PDE3B: variants seen among roughly 807,000 people sequenced by gnomAD.
The protein encoded by PDE3B is cGMP-inhibited 3',5'-cyclic phosphodiesterase 3B.
In PDE3B, 66 loss-of-function variants were observed where a neutral mutation model predicts 116.8. That is an observed-to-expected ratio of 0.56 (90% confidence interval 0.46 to 0.69). The LOEUF is 0.69. Ranked by LOEUF, PDE3B falls within the 30% of genes least tolerant of loss-of-function variation. PDE3B has a pLI of 0.00. For synonymous variants in PDE3B, 595 were observed against 533.6 expected (o/e 1.12, Z -1.59); for missense variants, 1,384 against 1,368.1 (o/e 1.01, Z -0.18).
At chr11:14,765,983 A>G (rs1857483885) in intron 1 of PDE3B, among the ~76,000 whole-genome samples, 1 of 151,514 alleles carries the variant, frequency 6.6e-6, no homozygotes, top group Non-Finnish European at 1.5e-5. Context: ...ACATTTTATT[A>G]TATAGGAGGA....
intron 5 of PDE3B, among the ~76,000 whole-genome samples, chr11:14,817,879 A>G (rs994736668): frequency 6.6e-6 from 1 of 152,248 alleles, no homozygotes; most frequent in African/African-American, 2.4e-5. Context: ...AATAGGAATT[A>G]GGAAAATTTC....
chr11:14,806,636 G>T (rs1322355398), intron 5 of PDE3B, among the ~76,000 whole-genome samples: 2 of 151,632 alleles, frequency 1.3e-5, no homozygotes, highest in Non-Finnish European at 2.9e-5. Context: ...GAGGCGGGCG[G>T]ATCACGAGGT....
chr11:14,879,653 C>CA, the PDE3B span, among the ~76,000 whole-genome samples: 2 of 150,916 alleles, frequency 1.3e-5, no homozygotes, highest in Non-Finnish European at 2.9e-5. Context: ...TAACCTATAA[C>CA]AAGCCAATAG....
intron 14 of PDE3B, among the ~76,000 whole-genome samples, chr11:14,865,950 A>G (rs892110416): frequency 2.0e-5 from 3 of 152,124 alleles, no homozygotes; most frequent in African/African-American, 7.2e-5. Context: ...TAGAATTAAT[A>G]CTTATTAAGC....
In PDE3B at chr11:14,644,608, A is replaced by T. The variant is rs2133736542; in HGVS notation, c.533A>T (p.Asp178Val). 6.5e-7 allele frequency: 1 copy of T among 1,542,502 alleles called. No individual in the cohort carries two copies. The highest frequency in any genetic ancestry group is 1.2e-5 in the South Asian group (1 of 82,346). Reference sequence around the variant, plus strand: ...CAGTGGTGGTCTTGGCCTTGGGGGGATGGCGACGCAGGGTCCGCGGCCCCG... The same window carrying T: ...CAGTGGTGGTCTTGGCCTTGGGGGGTTGGCGACGCAGGGTCCGCGGCCCCG... ...VWQWWSWPWG[D>V]GDAGSAAPHT... The change falls in exon 1 of 16, where the codon GAT becomes GTT. Residue 178 changes from aspartate (D) to valine (V), a missense_variant. Around this residue, in one of 2 missense-constraint regions of PDE3B, gnomAD observed 956 missense variants for 806.8 expected, o/e 1.18. Transcript: ENST00000282096.
At chr11:14,848,851 A>C (rs537661690) in intron 12 of PDE3B, among the ~76,000 whole-genome samples, 1 of 152,366 alleles carries the variant, frequency 6.6e-6, no homozygotes, top group African/African-American at 2.4e-5. Context: ...GATACAAACA[A>C]ATGGAAGAAC....
rs1853284289 is a variant in PDE3B at position 14,644,131 on chromosome 11, G to C, written c.56G>C (p.Gly19Ala). 2 of 1,586,646 alleles carry C rather than the reference G, an allele frequency of 1.3e-6. No homozygotes were observed. The highest frequency in any genetic ancestry group is 1.4e-5 in the African/African-American group (1 of 73,686). The change falls in exon 1 of 16, where the codon GGG (glycine) becomes GCG (alanine). Residue 19 changes from glycine (G) to alanine (A), a missense_variant. By Grantham distance (60) the Gly-to-Ala change is moderately conservative. Around this residue, in one of 2 missense-constraint regions of PDE3B, gnomAD observed 956 missense variants for 806.8 expected, o/e 1.18. Transcript: ENST00000282096. ...KAMRSLQPPD[G>A]AGSPPESLRN... ...ATGCGGTCCCTGCAGCCGCCGGATG[G>C]GGCCGGCTCGCCCCCCGAGAGTCTG...
At chr11:14,664,702 C>T (rs1476672425) in intron 1 of PDE3B, among the ~76,000 whole-genome samples, 1 of 152,106 alleles carries the variant, frequency 6.6e-6, no homozygotes, top group Non-Finnish European at 1.5e-5. Context: ...ATACACCCTC[C>T]CAAGACTAAA....
chr11:14,671,364 T>A (rs1854361531), intron 1 of PDE3B, among the ~76,000 whole-genome samples: 1 of 152,062 alleles, frequency 6.6e-6, no homozygotes, highest in African/African-American at 2.4e-5. Flanking sequence ...AAGCACACTC[T>A]AGGCAGAAGA....
chr11:14,840,266 CA>C (rs1860181652), intron 11 of PDE3B, among the ~76,000 whole-genome samples: 3 of 152,182 alleles, frequency 2.0e-5, no homozygotes, highest in African/African-American at 7.2e-5. Flanking sequence ...CAGCTTTCCT[CA>C]AATAATTATT....
chr11:14,769,775 G>A (rs1307407600), intron 1 of PDE3B, among the ~76,000 whole-genome samples: 1 of 147,508 alleles, frequency 6.8e-6, no homozygotes, highest in Non-Finnish European at 1.5e-5. Flanking sequence ...GGAGGGCTAC[G>A]AACCATTTTA....
At chr11:14,691,319 A>G (rs1191608028) in intron 1 of PDE3B, among the ~76,000 whole-genome samples, 2 of 152,182 alleles carry the variant, frequency 1.3e-5, no homozygotes, top group African/African-American at 4.8e-5. Flanking sequence ...ATGTTTCATG[A>G]CATAGTTGGA....
chr11:14,775,962 C>T (rs1857773351), intron 2 of PDE3B: 1 of 152,198 alleles, frequency 6.6e-6, no homozygotes, highest in Admixed American at 6.5e-5. Context: ...CTCTTTTCCT[C>T]CTTGCTAAGT....
chr11:14,780,234 C>T (rs1228852786), intron 2 of PDE3B, among the ~76,000 whole-genome samples: 4 of 152,202 alleles, frequency 2.6e-5, no homozygotes, highest in Non-Finnish European at 5.9e-5. Context: ...TAACACCCCA[C>T]TGTCAACATT....
intron 5 of PDE3B, among the ~76,000 whole-genome samples, chr11:14,807,531 G>T (rs1280341380): frequency 6.6e-6 from 1 of 151,768 alleles, no homozygotes; most frequent in African/African-American, 2.4e-5. Flanking sequence ...AGGTAAAATG[G>T]CATGATTAAA....
intron 1 of PDE3B, among the ~76,000 whole-genome samples, chr11:14,672,044 TAC>T (rs978144483): frequency 6.9e-6 from 1 of 145,594 alleles, no homozygotes; most frequent in South Asian, 2.1e-4. Flanking sequence ...TATATATATA[TAC>T]ATATATATAT....
At chr11:14,789,268 A>C (rs764823448) in intron 4 of PDE3B, 26 bp downstream of exon 4, 1 of 1,566,350 alleles carries the variant, frequency 6.4e-7, no homozygotes, top group East Asian at 2.3e-5. Context: ...CCTTTTAAGA[A>C]ACTTGAATCA....
intron 7 of PDE3B, among the ~76,000 whole-genome samples, chr11:14,820,329 CATT>C (rs1443485652): frequency 6.7e-6 from 1 of 149,356 alleles, no homozygotes; most frequent in Non-Finnish European, 1.5e-5. Context: ...AACTTCAAAA[CATT>C]ATTCTAAGTG....
intron 5 of PDE3B, among the ~76,000 whole-genome samples, chr11:14,817,741 CAAAA>C (rs1251847839): frequency 2.0e-5 from 3 of 150,986 alleles, no homozygotes; most frequent in Non-Finnish European, 4.4e-5. Context: ...ATCTCACAGA[CAAAA>C]AAAGAGAATT....
Sources: allele counts gnomAD v4.1 joint callset (sites outside exome capture counted in the v4.1 genomes callset), GRCh38; gene constraint gnomAD v4.1.1; regional missense constraint gnomAD v4.1.1; transcripts MANE v1.5; gene names NCBI Gene and HGNC (gene_info 2026-07-23, HGNC 2026-07-21).